UNC5D: variants seen among roughly 807,000 people sequenced by gnomAD.
UNC5D encodes unc-5 netrin receptor D.
A neutral mutation model predicts 105.4 loss-of-function variants in UNC5D; 39 were observed. The ratio of observed to expected loss-of-function variants is 0.37; its 90% CI spans 0.29 to 0.48. The LOEUF (loss-of-function observed/expected upper bound fraction) is 0.48, where lower values mean the gene tolerates loss of function less well. Among genes scored for constraint, UNC5D ranks in the 20% least tolerant of loss-of-function variants. The probability of loss-of-function intolerance (pLI) is 0.98; values close to 1 mark genes in which losing one functional copy is unlikely to be tolerated. For synonymous variants in UNC5D, 452 were observed against 450.4 expected, an observed-to-expected ratio of 1.00 and a Z score of -0.04; for missense variants, 991 against 1,202.4, an observed-to-expected ratio of 0.82 and a Z score of 2.60.
At chr8:35,619,511 ACTCGTAGGTG>A (rs1174211760) in intron 4 of UNC5D, among the ~76,000 whole-genome samples, 1 of 152,026 alleles carries the variant, frequency 6.6e-6, no homozygotes, top group Non-Finnish European at 1.5e-5. Context: ...TGGACTTTTC[ACTCGTAGGTG>A]GTAGGGAGCC....
chr8:35,347,526 A>G (rs974358854), intron 1 of UNC5D, among the ~76,000 whole-genome samples: 1 of 152,042 alleles, frequency 6.6e-6, no homozygotes, highest in African/African-American at 2.4e-5. Context: ...TAAAATAGCC[A>G]TAATTGCAAA....
At chr8:35,414,784 CTA>C (rs1322160714) in intron 1 of UNC5D, among the ~76,000 whole-genome samples, 1 of 152,116 alleles carries the variant, frequency 6.6e-6, no homozygotes, top group Non-Finnish European at 1.5e-5. Flanking sequence ...TTATTCATTC[CTA>C]GCTTTCCTTC....
chr8:35,377,716 C>T (rs914610712), intron 1 of UNC5D, among the ~76,000 whole-genome samples: 2 of 152,174 alleles, frequency 1.3e-5, no homozygotes, highest in East Asian at 1.9e-4. Context: ...ACATTCGTAT[C>T]TGTGGGTACT....
intron 1 of UNC5D, chr8:35,525,583 G>T (rs1430116114): frequency 1.9e-6 from 3 of 1,613,012 alleles, no homozygotes; most frequent in African/African-American, 2.7e-5. Flanking sequence ...GAAACATACT[G>T]TAAGTTTATG....
chr8:35,249,103 A>AT (rs908410310), intron 1 of UNC5D, among the ~76,000 whole-genome samples: 16 of 126,568 alleles, frequency 1.3e-4, no homozygotes, highest in African/African-American at 3.7e-4. Flanking sequence ...TATATAAAAA[A>AT]ATATATATAT....
chr8:35,575,451 T>C (rs535964062), intron 3 of UNC5D, among the ~76,000 whole-genome samples: 9 of 152,124 alleles, frequency 5.9e-5, no homozygotes, highest in Non-Finnish European at 1.0e-4. Context: ...TTGTCCTTTC[T>C]TGTTTGTGCA....
At chr8:35,741,526 A>G (rs776789682) in intron 11 of UNC5D, among the ~76,000 whole-genome samples, 1 of 152,096 alleles carries the variant, frequency 6.6e-6, no homozygotes, top group Non-Finnish European at 1.5e-5. Flanking sequence ...ATGATGAGTT[A>G]TAACATTATT....
At chr8:35,684,857 C>G in intron 6 of UNC5D, 108 bp downstream of exon 6, 1 of 1,366,926 alleles carries the variant, frequency 7.3e-7, no homozygotes, top group Non-Finnish European at 9.8e-7. Flanking sequence ...CTCCCAAGTT[C>G]TTAGAATAGA....
intron 1 of UNC5D, among the ~76,000 whole-genome samples, chr8:35,332,422 A>G (rs541168509): frequency 6.6e-6 from 1 of 152,368 alleles, no homozygotes; most frequent in Admixed American, 6.5e-5. Flanking sequence ...AACAAGAAGC[A>G]AATATCTTTT....
intron 10 of UNC5D, among the ~76,000 whole-genome samples, chr8:35,729,770 T>C: frequency 6.6e-6 from 1 of 152,272 alleles, no homozygotes; most frequent in East Asian, 1.9e-4. Context: ...AGTTCTACTA[T>C]TGACATTAAG....
rs372555873 is a variant in UNC5D, at chr8:35,786,903, C to T, written c.2658-3456C>T. ...CAGCCCATGAGCTAAGGATGGTTTTCGCATTTTTAAATGGTCTGAAAAAAA... is the reference window on the plus strand; with the variant it reads ...CAGCCCATGAGCTAAGGATGGTTTTTGCATTTTTAAATGGTCTGAAAAAAA... On this transcript the variant is annotated intron_variant, in intron 16 of 16. Transcript: ENST00000404895. Among the ~76,000 whole-genome samples the T allele has an allele frequency of 6.6e-5, 10 of 152,118 alleles. No individual in the cohort carries two copies. In the South Asian group the frequency reaches 8.3e-4, roughly 13 times the overall value.
chr8:35,514,035 G>T, intron 1 of UNC5D, among the ~76,000 whole-genome samples: 1 of 152,208 alleles, frequency 6.6e-6, no homozygotes, highest in East Asian at 1.9e-4. Context: ...AACCATTGGT[G>T]AAAAGGATGG....
chr8:35,590,327 C>T (rs187949443), intron 3 of UNC5D, among the ~76,000 whole-genome samples: 1 of 152,074 alleles, frequency 6.6e-6, no homozygotes, highest in East Asian at 1.9e-4. Flanking sequence ...GAAAAGCCTT[C>T]CTTTTCCTAA....
At chr8:35,281,097 C>T (rs1806123373) in intron 1 of UNC5D, among the ~76,000 whole-genome samples, 1 of 152,176 alleles carries the variant, frequency 6.6e-6, no homozygotes, top group South Asian at 2.1e-4. Flanking sequence ...TTCGCTGTGC[C>T]TCAGATCTCG....
chr8:35,728,340 C>T lies in UNC5D; in HGVS notation c.1681+1811C>T, dbSNP rs1182691764. Among the ~76,000 whole-genome samples, 4 of 151,980 alleles carry T rather than the reference C, an allele frequency of 2.6e-5. No homozygotes were observed. In the East Asian group the frequency reaches 7.7e-4, roughly 29 times the overall value. ...GAGGGAGAGCCATGACCAACCCGTT[C>T]ATTGGCTGTGTTTGTCGTTCATCAA... On this transcript the variant is annotated intron_variant, in intron 10 of 16. Transcript: ENST00000404895.
chr8:35,398,990 T>C (rs1476951293), intron 1 of UNC5D, among the ~76,000 whole-genome samples: 1 of 151,582 alleles, frequency 6.6e-6, no homozygotes, highest in Non-Finnish European at 1.5e-5. Context: ...ACCCCATCTC[T>C]ACTAAAATAC....
At chr8:35,786,312 G>A (rs527951662) in intron 16 of UNC5D, among the ~76,000 whole-genome samples, 76 of 152,248 alleles carry the variant, frequency 5.0e-4, no homozygotes, top group African/African-American at 1.7e-3. Context: ...TTGCTTTGGG[G>A]AGCACATTTC....
chr8:35,296,344 T>G (rs1389887676), intron 1 of UNC5D, among the ~76,000 whole-genome samples: 2 of 152,188 alleles, frequency 1.3e-5, no homozygotes, highest in Non-Finnish European at 2.9e-5. Context: ...CTCTTGATAG[T>G]AGCCATCCTA....
At chr8:35,629,593 G>C (rs951457669) in intron 4 of UNC5D, among the ~76,000 whole-genome samples, 1 of 152,100 alleles carries the variant, frequency 6.6e-6, no homozygotes, top group African/African-American at 2.4e-5. Flanking sequence ...ATTCGGTGCA[G>C]TGTTCAATAT....
Sources: gnomAD v4.1 joint callset for allele counts (sites outside exome capture counted in the v4.1 genomes callset) on GRCh38, gnomAD v4.1.1 for gene constraint, MANE v1.5 for transcripts, NCBI Gene and HGNC (gene_info 2026-07-23, HGNC 2026-07-21) for gene names.